HOMER2: variants seen among roughly 807,000 people sequenced by gnomAD.
HOMER2 encodes homer protein homolog 2.
A neutral mutation model predicts 47.0 loss-of-function variants in HOMER2; 27 were observed. That is an observed-to-expected ratio of 0.57 (90% CI 0.42 to 0.79). The LOEUF is 0.79. HOMER2 is among the 30% of genes least tolerant of loss of function. The pLI, the probability that HOMER2 is intolerant of heterozygous loss-of-function variation, is 0.00. For synonymous variants in HOMER2, 161 were observed against 163.8 expected, an observed-to-expected ratio of 0.98 and a Z score of 0.13; for missense variants, 443 against 435.0, an observed-to-expected ratio of 1.02 and a Z score of -0.16.
chr15:82,940,971 T>C (rs910060604), intron 1 of HOMER2, among the ~76,000 whole-genome samples: 7 of 152,112 alleles, frequency 4.6e-5, no homozygotes, highest in African/African-American at 1.2e-4. Context: ...TTTACAGTAT[T>C]ACATATAACC....
intron 1 of HOMER2, among the ~76,000 whole-genome samples, chr15:82,893,720 G>A (rs1416016580): frequency 6.6e-6 from 1 of 151,748 alleles, no homozygotes; most frequent in Non-Finnish European, 1.5e-5. Context: ...GATCTCTGAG[G>A]CTCAAGCAAT....
At chr15:82,871,761 C>T (rs1795887644) in intron 3 of HOMER2, among the ~76,000 whole-genome samples, 1 of 152,162 alleles carries the variant, frequency 6.6e-6, no homozygotes, top group African/African-American at 2.4e-5. Context: ...ATGTGGCCAT[C>T]CCTGGAAGCC....
At chr15:82,962,951 G>C (rs1448807696) in intron 1 of HOMER2, among the ~76,000 whole-genome samples, 7 of 152,140 alleles carry the variant, frequency 4.6e-5, no homozygotes, top group African/African-American at 1.7e-4. Context: ...TGCCCAGAGG[G>C]GCTAAAAGCC....
intron 4 of HOMER2, 168 bp from the exon 5 acceptor site, chr15:82,859,303 T>TA (rs2051695757): frequency 1.3e-6 from 1 of 751,388 alleles, no homozygotes; most frequent in East Asian, 2.9e-5. Flanking sequence ...AACAAGTTTT[T>TA]GTTTTTTTTT....
At chr15:82,854,537 T>C in intron 6 of HOMER2, 107 bp downstream of exon 6, 1 of 1,204,424 alleles carries the variant, frequency 8.3e-7, no homozygotes, top group Non-Finnish European at 1.1e-6. Flanking sequence ...CCTCTGGCCA[T>C]GGGGATAAGG....
intron 3 of HOMER2, among the ~76,000 whole-genome samples, chr15:82,867,059 GAGGA>G (rs1596311792): frequency 6.6e-6 from 1 of 152,140 alleles, no homozygotes; most frequent in African/African-American, 2.4e-5. Flanking sequence ...AGAAATTAAT[GAGGA>G]AGATTATTCA....
intron 3 of HOMER2, among the ~76,000 whole-genome samples, chr15:82,871,429 T>C (rs2052172502): frequency 6.6e-6 from 1 of 152,208 alleles, no homozygotes; most frequent in Non-Finnish European, 1.5e-5. Context: ...AGCCTGGCTG[T>C]CCCCTCAGCA....
chr15:82,836,406 A>AGCCCCT (rs1217960797), downstream of HOMER2, among the ~76,000 whole-genome samples: 1 of 152,212 alleles, frequency 6.6e-6, no homozygotes, highest in African/African-American at 2.4e-5. Context: ...TCCCCTGGGC[A>AGCCCCT]GCCCCTGCCC....
At chr15:82,899,865 T>C (rs1191929100) in intron 1 of HOMER2, among the ~76,000 whole-genome samples, 2 of 152,000 alleles carry the variant, frequency 1.3e-5, no homozygotes, top group East Asian at 3.9e-4. Flanking sequence ...CTACTAAAAA[T>C]GTAAAAATTA....
Position 82,859,160 on chromosome 15 carries a change from C to T in HOMER2, c.388-25G>A, listed in dbSNP as rs114358665. The T allele has an allele frequency of 3.8e-4, 611 of 1,613,882 alleles. 4 individuals are homozygous for T. The African/African-American group carries it at 7.4e-3, about 20-fold the overall frequency. On this transcript the variant is annotated intron_variant, in intron 4 of 8. Transcript: ENST00000450735. ...CCTGAGTAGAAGATGGGGTTTCACGCCCAGATTCCTGGCCAAAGTGAATTA... is the reference window on the plus strand; with the variant it reads ...CCTGAGTAGAAGATGGGGTTTCACGTCCAGATTCCTGGCCAAAGTGAATTA...
intron 1 of HOMER2, among the ~76,000 whole-genome samples, chr15:82,978,230 G>A (rs1202791669): frequency 6.6e-6 from 1 of 152,148 alleles, no homozygotes; most frequent in East Asian, 1.9e-4. Context: ...GTATCAGATT[G>A]CCAGACTCAA....
intron 1 of HOMER2, among the ~76,000 whole-genome samples, chr15:82,894,177 T>C (rs1479760821): frequency 6.6e-6 from 1 of 152,226 alleles, no homozygotes; most frequent in African/African-American, 2.4e-5. Flanking sequence ...ATTACCTATG[T>C]TTCTTTCTGT....
rs893864441 is a variant in HOMER2 at position 82,942,163 on chromosome 15, C to T, written c.5+10368G>A. 9.2e-4 allele frequency among the ~76,000 whole-genome samples: 140 copies of T among 152,316 alleles called. 1 individual carries two copies. Among genetic ancestry groups the T allele is most frequent in the South Asian group, 1.5e-3 (7 of 4,822 alleles). ...TCGTACAGAGTTAAGCATCTATCTA[C>T]GTTCATATTTCAATAACAGGCTTAT... On this transcript the variant is annotated intron_variant, in intron 1 of 8. Coordinates refer to ENST00000450735, the MANE Select transcript of HOMER2 (RefSeq NM_004839.4).
chr15:82,896,192 G>A (rs532219599), intron 1 of HOMER2, among the ~76,000 whole-genome samples: 2 of 152,130 alleles, frequency 1.3e-5, no homozygotes, highest in African/African-American at 4.8e-5. Flanking sequence ...GGGTGGAGAT[G>A]AGTGCGGCCT....
chr15:82,875,307 C>T lies in HOMER2; in HGVS notation c.260G>A (p.Gly87Asp). Residue 87 changes from glycine to aspartate, a missense_variant, in exon 3 of 9, where the codon GGT becomes GAT. Coordinates refer to ENST00000450735, the MANE Select transcript of HOMER2 (RefSeq NM_004839.4). ...CTGCTGCTCAGAGGAAAACCCCAAA[C>T]CAAACACTGTGTTGGCTCTGCTGTC... is the stretch of plus-strand genomic sequence containing the variant. ...WADSRANTVF[G>D]LGFSSEQQLT... is the part of the protein sequence containing the mutation. The T allele has an allele frequency of 6.2e-7, 1 of 1,613,906 alleles. No homozygotes were observed. The highest frequency in any genetic ancestry group is 8.5e-7 in the Non-Finnish European group (1 of 1,179,886).
intron 3 of HOMER2, among the ~76,000 whole-genome samples, chr15:82,873,861 T>A (rs949996762): frequency 6.6e-6 from 1 of 152,212 alleles, no homozygotes; most frequent in Non-Finnish European, 1.5e-5. Context: ...TGGCCGGATC[T>A]GTGCGCTGGG....
chr15:82,977,902 T>C (rs1298358355), intron 1 of HOMER2, among the ~76,000 whole-genome samples: 2 of 152,156 alleles, frequency 1.3e-5, no homozygotes, highest in Non-Finnish European at 2.9e-5. Context: ...ATCCCAGCAC[T>C]TTGCGAGGCT....
intron 1 of HOMER2, among the ~76,000 whole-genome samples, chr15:82,984,882 TTAGA>T (rs112024986): frequency 2.6e-5 from 4 of 152,222 alleles, no homozygotes; most frequent in African/African-American, 9.6e-5. Flanking sequence ...TAGAAATGCA[TTAGA>T]TAAAGGCCTG....
chr15:82,974,290 G>T (rs1030385887), intron 1 of HOMER2, among the ~76,000 whole-genome samples: 1 of 151,848 alleles, frequency 6.6e-6, no homozygotes, highest in Admixed American at 6.6e-5. Context: ...TGTAGTCCCA[G>T]CCACTCGGGA....
Sources: allele counts gnomAD v4.1 joint callset (sites outside exome capture counted in the v4.1 genomes callset), GRCh38; gene constraint gnomAD v4.1.1; transcripts MANE v1.5; gene names NCBI Gene and HGNC (gene_info 2026-07-23, HGNC 2026-07-21).